Variants in SIDT1 observed in about 807,000 individuals in gnomAD.
SIDT1 encodes the protein SID1 transmembrane family, member 1.
A neutral mutation model predicts 107.5 loss-of-function variants in SIDT1; 101 were observed. The ratio of observed to expected loss-of-function variants is 0.94; its 90% CI spans 0.80 to 1.11. The LOEUF (loss-of-function observed/expected upper bound fraction) is 1.11. Ranked by LOEUF, SIDT1 falls within the 50% of genes least tolerant of loss-of-function variation. The pLI is 0.00. For synonymous variants in SIDT1, 395 were observed against 398.2 expected (o/e 0.99, Z 0.10); for missense variants, 1,076 against 1,058.2 (o/e 1.02, Z -0.23).
chr3:113,546,445 T>C (rs780126658), intron 1 of SIDT1, among the ~76,000 whole-genome samples: 1 of 152,170 alleles, frequency 6.6e-6, no homozygotes, highest in Non-Finnish European at 1.5e-5. Context: ...TTTGTTTCCA[T>C]CCACTCCTGC....
rs771358134 is a variant in SIDT1 at position 113,577,010 on chromosome 3, G to T, written c.561+43G>T. ...AAGAGTTATCAACATCCTACCTGTT[G>T]GTGTTGCCTGCCTGTTAGTGAAACC... On this transcript the variant is annotated intron_variant, in intron 4 of 24. Coordinates refer to ENST00000264852, the MANE Select transcript of SIDT1 (RefSeq NM_017699.3). 4 of 1,588,600 alleles carry T rather than the reference G, an allele frequency of 2.5e-6. No homozygotes were observed. In the South Asian group the frequency reaches 4.4e-5, roughly 18 times the overall value.
At chr3:113,541,929 T>C (rs567507010) in intron 1 of SIDT1, among the ~76,000 whole-genome samples, 6 of 149,448 alleles carry the variant, frequency 4.0e-5, no homozygotes, top group East Asian at 1.9e-4. Flanking sequence ...TTCTTTCTTT[T>C]TTTTTTTTTT....
intron 3 of SIDT1, among the ~76,000 whole-genome samples, chr3:113,568,978 CAA>C (rs58343492): frequency 7.1e-6 from 1 of 141,760 alleles, no homozygotes. Flanking sequence ...GCTAGAAATA[CAA>C]AAAAAAAAAA....
At chr3:113,559,270 G>T (rs1419832976) in intron 1 of SIDT1, among the ~76,000 whole-genome samples, 2 of 152,224 alleles carry the variant, frequency 1.3e-5, no homozygotes, top group East Asian at 3.8e-4. Flanking sequence ...GCAACTTGCT[G>T]ACTGAAGTCA....
At chr3:113,622,915 C>T (rs1269686360) in intron 21 of SIDT1, among the ~76,000 whole-genome samples, 1 of 152,038 alleles carries the variant, frequency 6.6e-6, no homozygotes, top group Non-Finnish European at 1.5e-5. Flanking sequence ...AGGCAAGGCA[C>T]CATGGCTCAC....
intron 10 of SIDT1, among the ~76,000 whole-genome samples, chr3:113,595,143 A>G (rs1944447594): frequency 1.3e-5 from 2 of 152,240 alleles, no homozygotes; most frequent in African/African-American, 4.8e-5. Flanking sequence ...AGAGTTTCTC[A>G]AACTCAATAT....
Position 113,619,746 on chromosome 3 carries a change from C to T in SIDT1, c.2090+20C>T. 6.2e-7 allele frequency: 1 copy of T among 1,611,400 alleles called. No individual in the cohort carries two copies. The highest frequency in any genetic ancestry group is 1.3e-5 in the African/African-American group (1 of 74,962). ...GTCCTTGTAAGTAGTCTTATGAAAA[C>T]ATGTTTTTGCCTTTATTAATGTCAG... On this transcript the variant is annotated intron_variant, in intron 21 of 24. Coordinates refer to ENST00000264852, the MANE Select transcript of SIDT1 (RefSeq NM_017699.3).
intron 1 of SIDT1, among the ~76,000 whole-genome samples, chr3:113,558,707 C>T (rs532061618): frequency 2.0e-5 from 3 of 152,286 alleles, no homozygotes; most frequent in Middle Eastern, 3.4e-3. Context: ...ATGCTGCTTA[C>T]CCTAATAAGA....
At chr3:113,549,088 A>G (rs1444510140) in intron 1 of SIDT1, among the ~76,000 whole-genome samples, 2 of 152,092 alleles carry the variant, frequency 1.3e-5, no homozygotes, top group East Asian at 3.8e-4. Flanking sequence ...TTGATGCCTC[A>G]TTTCTTTTTA....
intron 6 of SIDT1, chr3:113,581,955 C>G (rs1017120519): frequency 6.5e-6 from 1 of 153,962 alleles, no homozygotes; most frequent in African/African-American, 2.4e-5. Flanking sequence ...GCCCATGGTG[C>G]GATGGGACGT....
At chr3:113,563,481 C>T (rs1941621721) in intron 1 of SIDT1, among the ~76,000 whole-genome samples, 1 of 152,200 alleles carries the variant, frequency 6.6e-6, no homozygotes, top group Admixed American at 6.5e-5. Flanking sequence ...CGACTTGAAT[C>T]TAATGAAGCC....
intron 1 of SIDT1, among the ~76,000 whole-genome samples, chr3:113,547,966 C>T (rs1402151731): frequency 6.6e-6 from 1 of 151,964 alleles, no homozygotes; most frequent in Admixed American, 6.6e-5. Flanking sequence ...AAAATGGTGG[C>T]AAAATTAAAG....
chr3:113,584,401 T>G (rs1943583535), intron 7 of SIDT1, among the ~76,000 whole-genome samples: 1 of 152,136 alleles, frequency 6.6e-6, no homozygotes, highest in Admixed American at 6.5e-5. Flanking sequence ...AGGGGAAGGG[T>G]CCACCCCTCT....
chr3:113,588,462 G>A (rs991840707), intron 9 of SIDT1, among the ~76,000 whole-genome samples: 4 of 152,184 alleles, frequency 2.6e-5, no homozygotes, highest in African/African-American at 7.2e-5. Flanking sequence ...ACCCTATTAC[G>A]AATACCTATG....
At position 113,628,365 on chromosome 3, in the gene SIDT1, C is replaced by G. The variant is rs1946988004; in HGVS notation, c.*657C>G. ...CATTCCTCTTAACAAGTAACTGTCACTGGGACCGAGTCCTGGGTGCTTACA... is the reference window on the plus strand; with the variant it reads ...CATTCCTCTTAACAAGTAACTGTCAGTGGGACCGAGTCCTGGGTGCTTACA... On this transcript the variant is annotated 3_prime_UTR_variant, in exon 25 of 25. Coordinates refer to ENST00000264852, the MANE Select transcript of SIDT1 (RefSeq NM_017699.3). 6.5e-6 allele frequency: 1 copy of G among 153,008 alleles called. No homozygotes were observed. Among genetic ancestry groups the G allele is most frequent in the Admixed American group, 6.5e-5 (1 of 15,296 alleles). 9.5% of individuals were successfully genotyped at this position (153,008 alleles called of 1,614,324 possible). A position where few individuals can be genotyped will look rare whatever the true frequency, so the allele number is the denominator to read the frequency against.
At chr3:113,617,059 C>G (rs987688746) in intron 20 of SIDT1, among the ~76,000 whole-genome samples, 7 of 152,120 alleles carry the variant, frequency 4.6e-5, no homozygotes, top group Non-Finnish European at 7.4e-5. Context: ...AGGATCAAGA[C>G]AGTGTACCCT....
intron 4 of SIDT1, among the ~76,000 whole-genome samples, chr3:113,579,402 G>A (rs188124128): frequency 6.6e-6 from 1 of 152,274 alleles, no homozygotes; most frequent in Admixed American, 6.5e-5. Context: ...GAGTTACACA[G>A]TATGGGTTTC....
At chr3:113,636,171 G>A in the SIDT1 span, among the ~76,000 whole-genome samples, 9 of 152,126 alleles carry the variant, frequency 5.9e-5, no homozygotes, top group East Asian at 1.2e-3. Context: ...TTGGGAGGCC[G>A]AGGGGGCCAG....
intron 19 of SIDT1, among the ~76,000 whole-genome samples, chr3:113,615,286 T>G (rs1946023275): frequency 6.6e-6 from 1 of 152,114 alleles, no homozygotes; most frequent in Non-Finnish European, 1.5e-5. Flanking sequence ...AGAGACAGGT[T>G]TCTCCCTCCT....
Sources: allele counts gnomAD v4.1 joint callset (sites outside exome capture counted in the v4.1 genomes callset), GRCh38; gene constraint gnomAD v4.1.1; transcripts MANE v1.5; gene names NCBI Gene and HGNC (gene_info 2026-07-23, HGNC 2026-07-21).